Variants in IL7 observed in about 807,000 individuals in gnomAD.
IL7 encodes the protein interleukin 7, also known as interleukin-7.
IL7 carries 3 observed loss-of-function variants against 21.6 expected under a neutral mutation model. The observed-to-expected ratio is 0.14, with a 90% CI of 0.06 to 0.36. The LOEUF is 0.36. IL7 is among the 10% of genes least tolerant of loss of function. The pLI, the probability that IL7 is intolerant of heterozygous loss-of-function variation, is 1.00. For synonymous variants in IL7, 62 were observed against 68.1 expected (o/e 0.91, Z 0.44); for missense variants, 175 against 200.2 (o/e 0.87, Z 0.76).
At chr8:78,758,446 G>A (rs984795935) in intron 2 of IL7, among the ~76,000 whole-genome samples, 8 of 151,880 alleles carry the variant, frequency 5.3e-5, no homozygotes, top group Non-Finnish European at 8.8e-5. Context: ...CTACCCGTGA[G>A]TTTAATTCTT....
chr8:78,714,402 T>C (rs958354054), downstream of IL7, among the ~76,000 whole-genome samples: 7 of 152,192 alleles, frequency 4.6e-5, no homozygotes, highest in African/African-American at 7.2e-5. Context: ...ACAACAGTAG[T>C]AATAGTATTA....
intron 2 of IL7, among the ~76,000 whole-genome samples, chr8:78,771,515 T>C (rs1454775405): frequency 6.6e-6 from 1 of 152,236 alleles, no homozygotes; most frequent in Middle Eastern, 3.4e-3. Flanking sequence ...CCCTGGTGGC[T>C]ACTGGTAAGC....
intron 3 of IL7, chr8:78,697,447 C>T: frequency 6.2e-7 from 1 of 1,609,708 alleles, no homozygotes; most frequent in South Asian, 1.1e-5. Flanking sequence ...TCTCCTGGAA[C>T]TGCATCATCA....
At chr8:78,675,358 C>G (rs1809547218), downstream of IL7, among the ~76,000 whole-genome samples, 1 of 151,878 alleles carries the variant, frequency 6.6e-6, no homozygotes, top group African/African-American at 2.4e-5. Context: ...TCGTTTTATT[C>G]TAGATTCTTC....
chr8:78,680,396 G>A (rs2130453652), intron 4 of IL7, among the ~76,000 whole-genome samples: 1 of 151,584 alleles, frequency 6.6e-6, no homozygotes, highest in East Asian at 1.9e-4. Flanking sequence ...CAGTAATAGT[G>A]GCAGTATTTG....
intron 2 of IL7, among the ~76,000 whole-genome samples, chr8:78,752,200 T>A (rs568226294): frequency 1.3e-5 from 2 of 152,352 alleles, no homozygotes; most frequent in Non-Finnish European, 2.9e-5. Context: ...GTTAATTCCA[T>A]GTCTTAGCCA....
At chr8:78,709,270 C>T (rs192884612) in intron 3 of IL7, among the ~76,000 whole-genome samples, 639 of 152,182 alleles carry the variant, frequency 4.2e-3, no homozygotes, top group Non-Finnish European at 6.7e-3. Flanking sequence ...CATTTTGTTT[C>T]TCATACCTTA....
rs147404522 is a variant in IL7, at chr8:78,788,580, G to A, written c.147+9492C>T. Among the ~76,000 whole-genome samples the A allele has an allele frequency of 3.9e-5, 6 of 152,176 alleles. No individual in the cohort carries two copies. The East Asian group carries it at 1.2e-3, about 29-fold the overall frequency. On this transcript the variant is annotated intron_variant, in intron 2 of 5. Transcript: ENST00000263851. ...TTTCTACTTCAATTACATTTTGGTT[G>A]AGAGCATGTTGTGCATGACTTGTAC...
At position 78,762,502 on chromosome 8, in the gene IL7, G is replaced by A. The variant is rs1812603848; in HGVS notation, c.148-22420C>T. On this transcript the variant is annotated intron_variant, in intron 2 of 5. Transcript: ENST00000263851. ...TCAGGGCAGTCCGCCCGCCCGTCGG[G>A]GCCGGGGAGGGGAGCCAGGCCGGCC... is the stretch of plus-strand genomic sequence containing the variant. 25 of 1,208,666 alleles carry A rather than the reference G, an allele frequency of 2.1e-5. No individual in the cohort carries two copies. The South Asian group carries it at 4.9e-4, about 24-fold the overall frequency. The allele number at this position is 1,208,666 out of a possible 1,614,324, so 74.9% of individuals were successfully genotyped here.
intron 3 of IL7, chr8:78,723,819 C>A: frequency 4.3e-6 from 1 of 231,264 alleles, no homozygotes; most frequent in South Asian, 8.2e-5. Context: ...TTCAAAGAAT[C>A]ATAGCCTTGT....
chr8:78,765,802 G>A (rs1177249742), intron 2 of IL7, among the ~76,000 whole-genome samples: 3 of 152,030 alleles, frequency 2.0e-5, no homozygotes, highest in Admixed American at 2.0e-4. Flanking sequence ...AATCTCTTAC[G>A]ACATAATGCA....
In IL7 at chr8:78,805,009, G is replaced by C; in HGVS notation, c.-87C>G. The C allele has an allele frequency of 6.8e-7, 1 of 1,466,746 alleles. No individual in the cohort carries two copies. Among genetic ancestry groups the C allele is most frequent in the Non-Finnish European group, 9.3e-7 (1 of 1,073,200 alleles). 90.9% of individuals were successfully genotyped at this position (1,466,746 alleles called of 1,614,324 possible). On this transcript the variant is annotated 5_prime_UTR_variant, in exon 1 of 6. Coordinates refer to ENST00000263851, the MANE Select transcript of IL7 (RefSeq NM_000880.4). ...GCCCATAGTCACTCCCAGGACCCTG[G>C]TCTTCCGCGGAGTTGCCGAGTCTGT...
chr8:78,798,738 A>G (rs1009872478), intron 1 of IL7, among the ~76,000 whole-genome samples: 3 of 151,996 alleles, frequency 2.0e-5, no homozygotes, highest in Non-Finnish European at 4.4e-5. Context: ...CTTTTTAATA[A>G]TGAACCCTGA....
At chr8:78,686,122 A>C (rs1055368782) in intron 3 of IL7, among the ~76,000 whole-genome samples, 1 of 152,086 alleles carries the variant, frequency 6.6e-6, no homozygotes, top group African/African-American at 2.4e-5. Context: ...AGATGTCCCC[A>C]CCTCGTACTA....
At chr8:78,804,806 G>T in intron 1 of IL7, 107 bp downstream of exon 1, 1 of 1,311,160 alleles carries the variant, frequency 7.6e-7, no homozygotes, top group Non-Finnish European at 1.1e-6. Context: ...AAAGTGCAAG[G>T]CCGGGCTATT....
chr8:78,761,461 C>T (rs1424213136), intron 2 of IL7: 1 of 1,610,232 alleles, frequency 6.2e-7, no homozygotes, highest in African/African-American at 1.3e-5. Context: ...GACAATACTC[C>T]ATATTTAATC....
At chr8:78,725,714 C>T (rs1811328169) in intron 3 of IL7, among the ~76,000 whole-genome samples, 1 of 151,916 alleles carries the variant, frequency 6.6e-6, no homozygotes, top group Non-Finnish European at 1.5e-5. Flanking sequence ...TGTTAGATAA[C>T]CACAGACTGA....
chr8:78,753,535 C>A (rs187786120), intron 2 of IL7, among the ~76,000 whole-genome samples: 7 of 152,228 alleles, frequency 4.6e-5, no homozygotes, highest in Admixed American at 3.9e-4. Context: ...AACCTGTTCA[C>A]TCTGATTATA....
At chr8:78,693,920 G>A (rs1047040414) in intron 3 of IL7, among the ~76,000 whole-genome samples, 1 of 152,148 alleles carries the variant, frequency 6.6e-6, no homozygotes, top group Non-Finnish European at 1.5e-5. Context: ...TAAGGTATAA[G>A]GAAGGGATCC....
Sources: allele counts gnomAD v4.1 joint callset (sites outside exome capture counted in the v4.1 genomes callset), GRCh38; gene constraint gnomAD v4.1.1; transcripts MANE v1.5; gene names NCBI Gene and HGNC (gene_info 2026-07-23, HGNC 2026-07-21).